The following TIMP2 variants were observed in gnomAD, a reference collection of about 807,000 sequenced individuals.
TIMP2 encodes the protein TIMP metallopeptidase inhibitor 2.
In TIMP2, 5 loss-of-function variants were observed where a neutral mutation model predicts 24.3. The ratio of observed to expected loss-of-function variants is 0.21; its 90% confidence interval spans 0.11 to 0.43. The LOEUF is 0.43. TIMP2 is among the 20% of genes least tolerant of loss of function. The pLI is 1.00. For missense variants in TIMP2, 221 were observed against 297.5 expected, an observed-to-expected ratio of 0.74 and a Z score of 1.89; for synonymous variants, 130 against 123.2, an observed-to-expected ratio of 1.06 and a Z score of -0.37.
At chr17:78,892,960 C>T (rs1002569533) in intron 1 of TIMP2, among the ~76,000 whole-genome samples, 16 of 152,016 alleles carry the variant, frequency 1.1e-4, no homozygotes, top group African/African-American at 3.6e-4. Flanking sequence ...TTGAGAAGAG[C>T]AGGTGGAAGT....
chr17:78,861,523 T>C (rs2069566949), intron 3 of TIMP2, among the ~76,000 whole-genome samples: 1 of 152,246 alleles, frequency 6.6e-6, no homozygotes, highest in Admixed American at 6.5e-5. Flanking sequence ...ATCTTCTCTT[T>C]TGGCCTTTTA....
At chr17:78,907,187 C>T (rs757610104) in intron 1 of TIMP2, among the ~76,000 whole-genome samples, 1 of 152,068 alleles carries the variant, frequency 6.6e-6, no homozygotes, top group Non-Finnish European at 1.5e-5. Flanking sequence ...GCATGTGCCA[C>T]CACACCCAGC....
intron 2 of TIMP2, among the ~76,000 whole-genome samples, chr17:78,871,325 G>C (rs939550980): frequency 6.6e-6 from 1 of 151,782 alleles, no homozygotes; most frequent in Non-Finnish European, 1.5e-5. Flanking sequence ...GGTGGCAAGC[G>C]CCTGTAATCC....
intron 1 of TIMP2, chr17:78,904,168 G>C (rs931726614): frequency 4.1e-5 from 6 of 146,418 alleles, no homozygotes; most frequent in Non-Finnish European, 7.5e-5. Flanking sequence ...CTGACCTCAA[G>C]CGATTCCCCT....
At chr17:78,872,299 C>T (rs2069692781) in intron 2 of TIMP2, among the ~76,000 whole-genome samples, 1 of 151,996 alleles carries the variant, frequency 6.6e-6, no homozygotes, top group Non-Finnish European at 1.5e-5. Context: ...CCTATATTTC[C>T]AGGAATTTTG....
rs779039090 is a variant in TIMP2 at position 78,870,940 on chromosome 17, C to T, written c.298G>A (p.Val100Ile). 5.0e-6 allele frequency: 8 copies of T among 1,613,810 alleles called. No homozygotes were observed. Among genetic ancestry groups the T allele is most frequent in the Admixed American group, 1.7e-5 (1 of 59,976 alleles). The change falls in exon 3 of 5, where the codon GTC becomes ATC. Residue 100 changes from valine to isoleucine, a missense_variant. Transcript: ENST00000262768. ...YTAPSSAVCG[V>I]SLDVGGKKEY... is the part of the protein sequence containing the mutation. ...TTCTTTCCTCCAACGTCCAGCGAGA[C>T]CCCACACACTGCCGAGGAGGGGGCC...
chr17:78,915,745 C>T (rs567457337), intron 1 of TIMP2, among the ~76,000 whole-genome samples: 22 of 152,238 alleles, frequency 1.4e-4, no homozygotes, highest in African/African-American at 5.3e-4. Context: ...GTCTTGAACT[C>T]CCGACCTCAG....
intron 1 of TIMP2, among the ~76,000 whole-genome samples, chr17:78,916,555 C>A (rs987223642): frequency 6.6e-6 from 1 of 152,198 alleles, no homozygotes; most frequent in Non-Finnish European, 1.5e-5. Flanking sequence ...TGTCTGCCCG[C>A]GACCCATGGC....
intron 1 of TIMP2, among the ~76,000 whole-genome samples, chr17:78,881,349 G>A (rs190367318): frequency 3.9e-5 from 6 of 152,352 alleles, no homozygotes; most frequent in Admixed American, 6.5e-5. Flanking sequence ...CTCAACATGG[G>A]TCATTCCTGG....
intron 1 of TIMP2, among the ~76,000 whole-genome samples, chr17:78,912,704 G>A (rs1334265337): frequency 6.6e-6 from 1 of 152,336 alleles, no homozygotes; most frequent in African/African-American, 2.4e-5. Context: ...AGCCACACAA[G>A]GACTGGGAAG....
At position 78,870,811 on chromosome 17, in the gene TIMP2, C is replaced by T. The variant is rs1409300733; in HGVS notation, c.340+87G>A. 2.5e-5 allele frequency: 30 copies of T among 1,193,140 alleles called. No homozygotes were observed. The East Asian group carries it at 5.9e-4, about 24-fold the overall frequency. 73.9% of individuals were successfully genotyped at this position (1,193,140 alleles called of 1,614,324 possible). On this transcript the variant is annotated intron_variant, in intron 3 of 4. Coordinates refer to ENST00000262768, the MANE Select transcript of TIMP2 (RefSeq NM_003255.5). ...TCAGCTACTCCGCCTCCCCACCCCC[C>T]GAGCCTGGGAAACGAGCCCTGGACC...
intron 1 of TIMP2, among the ~76,000 whole-genome samples, chr17:78,885,469 G>A (rs1307950788): frequency 2.0e-5 from 3 of 152,232 alleles, no homozygotes; most frequent in Admixed American, 6.5e-5. Flanking sequence ...ACCCTTCCGG[G>A]TGGCTCCATC....
At chr17:78,902,039 A>C in intron 1 of TIMP2, 1 of 535,038 alleles carries the variant, frequency 1.9e-6, no homozygotes, top group Non-Finnish European at 3.3e-6. Context: ...GTGTGCTGCC[A>C]GAGGCTTGGT....
intron 1 of TIMP2, among the ~76,000 whole-genome samples, chr17:78,916,046 C>T (rs1225241161): frequency 6.6e-6 from 1 of 152,196 alleles, no homozygotes; most frequent in African/African-American, 2.4e-5. Context: ...GATTCACCTC[C>T]CTGGCTGCTC....
Position 78,882,389 on chromosome 17 carries a change from T to C in TIMP2, c.131-8470A>G, listed in dbSNP as rs547336190. 2.0e-5 allele frequency among the ~76,000 whole-genome samples: 3 copies of C among 152,308 alleles called. No individual in the cohort carries two copies. In the South Asian group the frequency reaches 6.2e-4, roughly 32 times the overall value. ...GGAGGTGAAGCCCACTTTCCCCACT[T>C]CTGGTGTCTACACCCTCAGCTCAGG... is the stretch of plus-strand genomic sequence containing the variant. On this transcript the variant is annotated intron_variant, in intron 1 of 4. Coordinates refer to ENST00000262768, the MANE Select transcript of TIMP2 (RefSeq NM_003255.5).
Position 78,879,749 on chromosome 17 carries a change from T to A in TIMP2, c.131-5830A>T, listed in dbSNP as rs574572846. ...TTGAGATCAAGGGTGATACACTGGC[T>A]GATGAATTCACCGCCAGATGCCGGC... On this transcript the variant is annotated intron_variant, in intron 1 of 4. Coordinates refer to ENST00000262768, the MANE Select transcript of TIMP2 (RefSeq NM_003255.5). Among the ~76,000 whole-genome samples the A allele has an allele frequency of 6.6e-5, 10 of 152,306 alleles. No homozygotes were observed. The East Asian group carries it at 1.7e-3, about 26-fold the overall frequency.
intron 1 of TIMP2, among the ~76,000 whole-genome samples, chr17:78,886,325 T>C (rs2069824944): frequency 2.0e-5 from 3 of 152,198 alleles, no homozygotes. Context: ...AAAGGCAGGC[T>C]GGTTCCCCCA....
At chr17:78,875,718 C>A (rs1406933491) in intron 1 of TIMP2, among the ~76,000 whole-genome samples, 1 of 152,130 alleles carries the variant, frequency 6.6e-6, no homozygotes, top group Non-Finnish European at 1.5e-5. Flanking sequence ...GCCTCCTAGC[C>A]CCAGCCCCAG....
chr17:78,881,450 A>G (rs2069779618), intron 1 of TIMP2, among the ~76,000 whole-genome samples: 1 of 152,248 alleles, frequency 6.6e-6, no homozygotes, highest in East Asian at 1.9e-4. Context: ...CAGCTGGGTC[A>G]GAGTCAGCCC....
Sources: allele counts gnomAD v4.1 joint callset (sites outside exome capture counted in the v4.1 genomes callset), GRCh38; gene constraint gnomAD v4.1.1; transcripts MANE v1.5; gene names NCBI Gene and HGNC (gene_info 2026-07-23, HGNC 2026-07-21).